The following CCDC91 variants were observed in gnomAD, a reference collection of about 807,000 sequenced individuals.
The protein encoded by CCDC91 is coiled-coil domain containing 91, also known as coiled-coil domain-containing protein 91.
CCDC91 carries 48 observed loss-of-function variants against 63.2 expected under a neutral mutation model. That is an observed-to-expected ratio of 0.76 (90% CI 0.60 to 0.97). The LOEUF (loss-of-function observed/expected upper bound fraction) is 0.97. Ranked by LOEUF, CCDC91 falls within the 50% of genes least tolerant of loss-of-function variation. The pLI is 0.00. For missense variants in CCDC91, 500 were observed against 494.6 expected (o/e 1.01, Z -0.10); for synonymous variants, 167 against 165.8 (o/e 1.01, Z -0.06).
intron 12 of CCDC91, among the ~76,000 whole-genome samples, chr12:28,527,005 C>T (rs1941319496): frequency 6.6e-6 from 1 of 151,988 alleles, no homozygotes; most frequent in Non-Finnish European, 1.5e-5. Context: ...GTTCTCCTTT[C>T]ACTTCTTGTA....
intron 11 of CCDC91, among the ~76,000 whole-genome samples, chr12:28,476,482 A>G (rs573732665): frequency 4.4e-4 from 67 of 152,290 alleles, no homozygotes; most frequent in African/African-American, 1.5e-3. Context: ...GTGTAGAGGG[A>G]TATTTATAGC....
rs1565700205 is a variant in CCDC91, at chr12:28,267,842, TA to T, written c.109+8402del. Among the ~76,000 whole-genome samples, 5 of 17,674 alleles carry T rather than the reference TA, an allele frequency of 2.8e-4. No homozygotes were observed. In the Admixed American group the frequency reaches 4.4e-3, roughly 15 times the overall value. 11.6% of individuals were successfully genotyped at this position (17,674 alleles called of 152,430 possible). A position where few individuals can be genotyped will look rare whatever the true frequency, so the allele number is the denominator to read the frequency against. On this transcript the variant is annotated intron_variant, in intron 3 of 12. Transcript: ENST00000536442. ...TATATTATTAATATATAATTATATA[TA>T]ATTATATAGTAATATATAATTATAT...
chr12:28,291,098 C>T (rs1179391673), intron 3 of CCDC91, among the ~76,000 whole-genome samples: 10 of 152,068 alleles, frequency 6.6e-5, no homozygotes, highest in Admixed American at 6.5e-4. Flanking sequence ...CTTTATTAAG[C>T]AAATTAGGAA....
At chr12:28,495,923 AC>A (rs1225962792) in intron 12 of CCDC91, among the ~76,000 whole-genome samples, 1 of 151,618 alleles carries the variant, frequency 6.6e-6, no homozygotes, top group Non-Finnish European at 1.5e-5. Context: ...ACCAGATTTT[AC>A]ATTTTTTTAA....
At chr12:28,251,407 TCCTA>T (rs903325554) in intron 1 of CCDC91, among the ~76,000 whole-genome samples, 14 of 152,152 alleles carry the variant, frequency 9.2e-5, no homozygotes, top group Admixed American at 9.2e-4. Context: ...TTATGAAAAA[TCCTA>T]ATTTATTTGT....
chr12:28,327,553 A>G (rs1261216891), intron 6 of CCDC91, among the ~76,000 whole-genome samples: 1 of 152,132 alleles, frequency 6.6e-6, no homozygotes, highest in Non-Finnish European at 1.5e-5. Context: ...CTCCTCTAGC[A>G]GTCTATAAAA....
At chr12:28,305,063 C>A (rs1242884402) in intron 3 of CCDC91, among the ~76,000 whole-genome samples, 1 of 152,056 alleles carries the variant, frequency 6.6e-6, no homozygotes, top group Non-Finnish European at 1.5e-5. Context: ...TTGTTTGTTA[C>A]AAAAGAGACT....
chr12:28,455,583 A>G (rs143791934), intron 11 of CCDC91, among the ~76,000 whole-genome samples: 3 of 152,258 alleles, frequency 2.0e-5, no homozygotes, highest in African/African-American at 7.2e-5. Context: ...AATAAGGGAA[A>G]CAATAATAGT....
At chr12:28,282,526 T>A (rs1377999363) in intron 3 of CCDC91, among the ~76,000 whole-genome samples, 1 of 152,170 alleles carries the variant, frequency 6.6e-6, no homozygotes, top group East Asian at 1.9e-4. Context: ...GGCACTTAGA[T>A]TGATTCTTTA....
chr12:28,209,318 A>T (rs576687225), intron 1 of CCDC91, among the ~76,000 whole-genome samples: 1 of 152,158 alleles, frequency 6.6e-6, no homozygotes, highest in East Asian at 1.9e-4. Context: ...TTTAAGAAAA[A>T]CCCTGTTGTG....
At chr12:28,533,313 A>G (rs1941894555) in intron 12 of CCDC91, among the ~76,000 whole-genome samples, 1 of 152,050 alleles carries the variant, frequency 6.6e-6, no homozygotes, top group Non-Finnish European at 1.5e-5. Flanking sequence ...ATTCACAGTC[A>G]AAACCAGACA....
At chr12:28,522,142 G>T (rs994586116) in intron 12 of CCDC91, among the ~76,000 whole-genome samples, 1 of 151,752 alleles carries the variant, frequency 6.6e-6, no homozygotes. Flanking sequence ...GTTTCAGAAG[G>T]AATGGTACAA....
chr12:28,492,417 C>G (rs2141012230), intron 12 of CCDC91, among the ~76,000 whole-genome samples: 1 of 151,690 alleles, frequency 6.6e-6, no homozygotes, highest in Non-Finnish European at 1.5e-5. Flanking sequence ...TAATCACTTG[C>G]ATGTTTATTA....
At chr12:28,442,811 TA>T (rs1949296416) in intron 8 of CCDC91, among the ~76,000 whole-genome samples, 1 of 152,096 alleles carries the variant, frequency 6.6e-6, no homozygotes, top group South Asian at 2.1e-4. Flanking sequence ...AACAAGGTTT[TA>T]AAGTATTTTA....
At chr12:28,214,924 G>A (rs1415541088) in intron 1 of CCDC91, among the ~76,000 whole-genome samples, 1 of 152,086 alleles carries the variant, frequency 6.6e-6, no homozygotes, top group Non-Finnish European at 1.5e-5. Context: ...ACTTGACTAG[G>A]CCATGAGGTA....
intron 1 of CCDC91, among the ~76,000 whole-genome samples, chr12:28,223,078 A>G (rs141951001): frequency 2.0e-5 from 3 of 152,308 alleles, no homozygotes; most frequent in African/African-American, 7.2e-5. Context: ...AGCACCTTAC[A>G]TAAAACCAAA....
chr12:28,409,080 TTTTA>T (rs1947151001), intron 8 of CCDC91, among the ~76,000 whole-genome samples: 1 of 152,232 alleles, frequency 6.6e-6, no homozygotes. Flanking sequence ...TCTTGATACC[TTTTA>T]TTTCTTTTTC....
Position 28,402,570 on chromosome 12 carries a change from G to A in CCDC91, c.762+11159G>A, listed in dbSNP as rs796493556. On this transcript the variant is annotated intron_variant, in intron 8 of 12. Transcript: ENST00000536442. ...GTCTACTCTTTGGATTTTCTACACA[G>A]ACAATCATGTCATCTGCAAAAAAAA... Among the ~76,000 whole-genome samples the A allele has an allele frequency of 8.1e-4, 56 of 69,322 alleles. 1 individual carries two copies. Among genetic ancestry groups the A allele is most frequent in the African/African-American group, 3.2e-3 (51 of 16,186 alleles). 45.5% of individuals were successfully genotyped at this position (69,322 alleles called of 152,430 possible).
chr12:28,443,158 T>G (rs1235089977), intron 8 of CCDC91, among the ~76,000 whole-genome samples: 1 of 151,634 alleles, frequency 6.6e-6, no homozygotes, highest in Non-Finnish European at 1.5e-5. Flanking sequence ...TCTAGTTTAA[T>G]GAATTATCTG....
Sources: gnomAD v4.1 joint callset for allele counts (sites outside exome capture counted in the v4.1 genomes callset) on GRCh38, gnomAD v4.1.1 for gene constraint, MANE v1.5 for transcripts, NCBI Gene and HGNC (gene_info 2026-07-23, HGNC 2026-07-21) for gene names.